ALPK2: variants seen among roughly 807,000 people sequenced by gnomAD.
The protein encoded by ALPK2 is alpha-protein kinase 2.
A neutral mutation model predicts 163.1 loss-of-function variants in ALPK2; 127 were observed. The ratio of observed to expected loss-of-function variants is 0.78; its 90% confidence interval spans 0.67 to 0.90. ALPK2 has a LOEUF of 0.90. ALPK2 is among the 40% of genes least tolerant of loss of function. The pLI is 0.00. For missense variants in ALPK2, 2,360 were observed against 2,589.6 expected (o/e 0.91, Z 1.92); for synonymous variants, 953 against 959.1 (o/e 0.99, Z 0.12).
At position 58,580,290 on chromosome 18, in the gene ALPK2, G is replaced by A. The variant is rs1040926855; in HGVS notation, c.486C>T (p.Asp162=). Reference sequence around the variant, plus strand: ...AATGGTTGGATTTGGAGGGGGAGGAGTCAGCTGACCTGGGAGTGCCCGGGG... The same window carrying A: ...AATGGTTGGATTTGGAGGGGGAGGAATCAGCTGACCTGGGAGTGCCCGGGG... ...SISPGTPRSA[D]SSPSKSNHSL... The change falls in exon 4 of 13, where the codon GAC becomes GAT. Residue 162 remains aspartate, a synonymous_variant. Coordinates refer to ENST00000361673, the MANE Select transcript of ALPK2 (RefSeq NM_052947.4). The A allele has an allele frequency of 6.2e-7, 1 of 1,614,220 alleles. No homozygotes were observed. The highest frequency in any genetic ancestry group is 1.1e-5 in the South Asian group (1 of 91,082).
At chr18:58,542,307 C>T (rs952807142) in intron 4 of ALPK2, among the ~76,000 whole-genome samples, 21 of 152,206 alleles carry the variant, frequency 1.4e-4, no homozygotes, top group African/African-American at 4.6e-4. Context: ...GCCCAGAAGG[C>T]ACTCACTCAC....
At chr18:58,574,885 G>C (rs1018883950) in intron 4 of ALPK2, among the ~76,000 whole-genome samples, 1 of 152,148 alleles carries the variant, frequency 6.6e-6, no homozygotes, top group Non-Finnish European at 1.5e-5. Flanking sequence ...GGAAAATAAA[G>C]GCCATAAAGT....
intron 11 of ALPK2, among the ~76,000 whole-genome samples, chr18:58,498,965 C>G (rs2051417220): frequency 6.6e-6 from 1 of 152,180 alleles, no homozygotes; most frequent in Admixed American, 6.5e-5. Context: ...AGCCAAACTT[C>G]AGACATATGA....
At chr18:58,504,570 C>A (rs2051451940) in intron 10 of ALPK2, among the ~76,000 whole-genome samples, 1 of 152,182 alleles carries the variant, frequency 6.6e-6, no homozygotes. Context: ...ATTCAGTCAA[C>A]CAATATTTAT....
intron 12 of ALPK2, among the ~76,000 whole-genome samples, chr18:58,483,726 A>ATTTT (rs35380816): frequency 0.023 from 3,008 of 132,788 alleles, 136 homozygotes; most frequent in African/African-American, 0.081. Flanking sequence ...AATTTTTTGT[A>ATTTT]TTTTTTTTTT....
chr18:58,541,964 G>A (rs771320576), intron 4 of ALPK2, among the ~76,000 whole-genome samples: 2 of 152,190 alleles, frequency 1.3e-5, no homozygotes, highest in African/African-American at 4.8e-5. Context: ...ACAAAAGAAT[G>A]CTAGCAAATG....
chr18:58,580,439 A>G lies in ALPK2; in HGVS notation c.337T>C (p.Leu113=), dbSNP rs2051952481. 1 of 1,614,162 alleles carries G rather than the reference A, an allele frequency of 6.2e-7. No homozygotes were observed. Among genetic ancestry groups the G allele is most frequent in the Non-Finnish European group, 8.5e-7 (1 of 1,180,034 alleles). The change falls in exon 4 of 13, where the codon TTG becomes CTG. Residue 113 remains leucine, a synonymous_variant. Coordinates refer to ENST00000361673, the MANE Select transcript of ALPK2 (RefSeq NM_052947.4). ...EVECSSENPQ[L]SPNLEDDRDR... ...CTGTCATCTTCCAGGTTAGGAGACAATTGTGGGTTCTCTGATGAGCACTCA... is the reference window on the plus strand; with the variant it reads ...CTGTCATCTTCCAGGTTAGGAGACAGTTGTGGGTTCTCTGATGAGCACTCA...
intron 5 of ALPK2, among the ~76,000 whole-genome samples, chr18:58,534,011 T>C (rs974509531): frequency 1.3e-5 from 2 of 152,178 alleles, no homozygotes; most frequent in Non-Finnish European, 2.9e-5. Flanking sequence ...CTGCAATATT[T>C]TCTCTTCTGA....
In ALPK2 at chr18:58,537,763, C is replaced by A. The variant is rs753072719; in HGVS notation, c.2424G>T (p.Glu808Asp). The A allele has an allele frequency of 1.9e-5, 30 of 1,614,000 alleles. No individual in the cohort carries two copies. The highest frequency in any genetic ancestry group is 4.0e-5 in the African/African-American group (3 of 74,918). The change falls in exon 5 of 13, where the codon GAG (glutamate) becomes GAT (aspartate). Residue 808 changes from glutamate to aspartate, a missense_variant. Glu to Asp is a conservative substitution (Grantham distance 45). Transcript: ENST00000361673. ...CAAAACACGTTCCTTGGTCACCAGC[C>A]TCAAAACACTCCATTGCACACACTG... ...REAVCAMECFEAGDQGTCFDT... is the reference protein window; with the variant it reads ...REAVCAMECFDAGDQGTCFDT...
Position 58,535,329 on chromosome 18 carries a change from C to A in ALPK2, c.4858G>T (p.Asp1620Tyr). 1 of 1,614,164 alleles carries A rather than the reference C, an allele frequency of 6.2e-7. No homozygotes were observed. The highest frequency in any genetic ancestry group is 8.5e-7 in the Non-Finnish European group (1 of 1,180,032). ...CTSSPEGNVT[D>Y]FLISHKMEEP... Reference sequence around the variant, plus strand: ...TCCATTTTGTGGCTTATCAAAAAGTCTGTGACATTTCCTTCAGGAGATGAA... The same window carrying A: ...TCCATTTTGTGGCTTATCAAAAAGTATGTGACATTTCCTTCAGGAGATGAA... The change falls in exon 5 of 13, where the codon GAC becomes TAC. Residue 1620 changes from aspartate (D) to tyrosine (Y), a missense_variant. By Grantham distance (160) the Asp-to-Tyr change is radical. Coordinates refer to ENST00000361673, the MANE Select transcript of ALPK2 (RefSeq NM_052947.4).
chr18:58,534,765 G>A, intron 5 of ALPK2, 69 bp downstream of exon 5: 1 of 1,522,068 alleles, frequency 6.6e-7, no homozygotes. Context: ...GACCCTCGAG[G>A]ACACAGGAAC....
intron 4 of ALPK2, among the ~76,000 whole-genome samples, chr18:58,567,830 T>A (rs2144184299): frequency 6.6e-6 from 1 of 152,286 alleles, no homozygotes; most frequent in Admixed American, 6.5e-5. Context: ...TCAGTGGTCC[T>A]CTCTCCTAAG....
intron 3 of ALPK2, among the ~76,000 whole-genome samples, chr18:58,587,089 T>C (rs2051990931): frequency 6.6e-6 from 1 of 152,156 alleles, no homozygotes; most frequent in South Asian, 2.1e-4. Context: ...CCTGGCTGAG[T>C]GTGAAAGCAT....
intron 1 of ALPK2, among the ~76,000 whole-genome samples, chr18:58,614,480 T>C (rs1428315695): frequency 1.3e-5 from 2 of 152,244 alleles, no homozygotes; most frequent in African/African-American, 2.4e-5. Flanking sequence ...CCTCTCAGCA[T>C]AATGGCAAAT....
intron 4 of ALPK2, chr18:58,577,992 CAGCGTAAGTCCAA>C (rs2051930897): frequency 1.3e-5 from 2 of 152,164 alleles, no homozygotes; most frequent in African/African-American, 4.8e-5. Context: ...GCCCATATTA[CAGCGTAAGTCCAA>C]AGCTCATTTG....
intron 4 of ALPK2, among the ~76,000 whole-genome samples, chr18:58,557,628 ATAAAC>A (rs1349674205): frequency 2.0e-5 from 3 of 151,588 alleles, no homozygotes; most frequent in Admixed American, 6.6e-5. Context: ...AGAATTACGT[ATAAAC>A]TATAGTGTGT....
chr18:58,561,735 C>A (rs1462264424), intron 4 of ALPK2, among the ~76,000 whole-genome samples: 1 of 152,158 alleles, frequency 6.6e-6, no homozygotes, highest in Non-Finnish European at 1.5e-5. Flanking sequence ...AACTCCCACC[C>A]CCATTGGTGG....
At position 58,481,701 on chromosome 18, in the gene ALPK2, G is replaced by A. The variant is rs956904418; in HGVS notation, c.*122C>T. 22 of 755,826 alleles carry A rather than the reference G, an allele frequency of 2.9e-5. No individual in the cohort carries two copies. Among genetic ancestry groups the A allele is most frequent in the Admixed American group, 2.3e-4 (9 of 39,622 alleles). 46.8% of individuals were successfully genotyped at this position (755,826 alleles called of 1,614,324 possible). On this transcript the variant is annotated 3_prime_UTR_variant, in exon 13 of 13. Coordinates refer to ENST00000361673, the MANE Select transcript of ALPK2 (RefSeq NM_052947.4). ...TTTAGAAGCATCTTGGCGCACAGTC[G>A]GCTGGGAGTAAGGATTGCCACGCAC...
chr18:58,500,587 G>C (rs1258858261), intron 11 of ALPK2, among the ~76,000 whole-genome samples: 3 of 152,286 alleles, frequency 2.0e-5, no homozygotes, highest in East Asian at 3.9e-4. Flanking sequence ...GTAATCTACA[G>C]GTTGTTTCTA....
Sources: gnomAD v4.1 joint callset for allele counts (sites outside exome capture counted in the v4.1 genomes callset) on GRCh38, gnomAD v4.1.1 for gene constraint, MANE v1.5 for transcripts, NCBI Gene and HGNC (gene_info 2026-07-23, HGNC 2026-07-21) for gene names.